SPON2: variants seen among roughly 807,000 people sequenced by gnomAD.
The protein encoded by SPON2 is spondin-2.
A neutral mutation model predicts 29.9 loss-of-function variants in SPON2; 32 were observed. The observed-to-expected ratio is 1.07, with a 90% CI of 0.81 to 1.44. The LOEUF (loss-of-function observed/expected upper bound fraction) is 1.44, where lower values mean the gene tolerates loss of function less well. SPON2 is among the 40% of genes most tolerant of loss of function. The pLI, the probability that SPON2 is intolerant of heterozygous loss-of-function variation, is 0.00. For synonymous variants in SPON2, 248 were observed against 209.1 expected (o/e 1.19, Z -1.61); for missense variants, 541 against 455.5 (o/e 1.19, Z -1.71).
chr4:1,208,059 G>C (rs1728390205), exon 1 of SPON2: 1 of 152,776 alleles, frequency 6.5e-6, no homozygotes, highest in Non-Finnish European at 1.5e-5. Context: ...TCAGGGCCCA[G>C]TGGCCAGATG....
Position 1,186,080 on chromosome 4 carries a change from TA to T in SPON2, c.-238-6540del, listed in dbSNP as rs1261266056. 2.2e-5 allele frequency among the ~76,000 whole-genome samples: 3 copies of T among 136,428 alleles called. No individual in the cohort carries two copies. The East Asian group carries it at 7.5e-4, about 34-fold the overall frequency. 89.5% of individuals were successfully genotyped at this position (136,428 alleles called of 152,430 possible). ...TAACACGGTGAAACCCCATCTCTAC[TA>T]AAAATACAAAAAATTAGCCGGGCGT... On this transcript the variant is annotated intron_variant, in intron 1 of 3. Coordinates refer to the SPON2 transcript ENST00000502483.
chr4:1,189,655 A>AAAAAAG (rs1560208668), intron 1 of SPON2, among the ~76,000 whole-genome samples: 1 of 145,568 alleles, frequency 6.9e-6, no homozygotes, highest in African/African-American at 2.6e-5. Context: ...AAAAAAAAAA[A>AAAAAAG]AAAGAAAGAA....
chr4:1,186,080 T>TA (rs1261266056), intron 1 of SPON2, among the ~76,000 whole-genome samples: 9 of 136,428 alleles, frequency 6.6e-5, no homozygotes, highest in East Asian at 2.5e-4. Flanking sequence ...CCATCTCTAC[T>TA]AAAAATACAA....
At chr4:1,197,866 T>C (rs1018594903), upstream of SPON2, among the ~76,000 whole-genome samples, 1 of 152,004 alleles carries the variant, frequency 6.6e-6, no homozygotes, top group Non-Finnish European at 1.5e-5. Flanking sequence ...CTGGCCAATA[T>C]AGTGAAACCG....
At chr4:1,208,819 C>CG (rs911239872), upstream of SPON2, 1 of 152,438 alleles carries the variant, frequency 6.6e-6, no homozygotes, top group African/African-American at 2.4e-5. Context: ...CCCGTGCCCT[C>CG]GATCACATCG....
At chr4:1,179,520 C>T (rs1250169865) in exon 2 of SPON2, 5 of 152,180 alleles carry the variant, frequency 3.3e-5, no homozygotes, top group Non-Finnish European at 5.9e-5. Flanking sequence ...GAATTCTCAT[C>T]TTCCTCCAAG....
upstream of SPON2, among the ~76,000 whole-genome samples, chr4:1,176,612 GTACATTCA>G (rs1214274229): frequency 7.0e-6 from 1 of 143,354 alleles, no homozygotes; most frequent in African/African-American, 2.5e-5. Flanking sequence ...CATTCACACA[GTACATTCA>G]TGCAGTCATC....
Position 1,172,078 on chromosome 4 carries a change from G to A in SPON2, c.-3-4C>T. The stretch of plus-strand genomic sequence containing the variant: ...CCGGGCTGGGGTTTTCCATCACCTG[G>A]GAGCACAGAGGGGAGCAGCCGCGCG... On this transcript the variant is annotated splice_region_variant and splice_polypyrimidine_tract_variant and intron_variant, in intron 1 of 5. Transcript: ENST00000290902. The A allele has an allele frequency of 6.2e-7, 1 of 1,609,256 alleles. No individual in the cohort carries two copies. The highest frequency in any genetic ancestry group is 8.5e-7 in the Non-Finnish European group (1 of 1,178,682).
intron 1 of SPON2, among the ~76,000 whole-genome samples, chr4:1,191,711 A>G (rs1727917628): frequency 6.6e-6 from 1 of 152,180 alleles, no homozygotes; most frequent in Non-Finnish European, 1.5e-5. Context: ...GCCTAGTGGG[A>G]GTGCAAGGAC....
intron 1 of SPON2, among the ~76,000 whole-genome samples, chr4:1,205,777 G>C (rs1728326170): frequency 6.6e-6 from 1 of 152,204 alleles, no homozygotes; most frequent in Admixed American, 6.5e-5. Context: ...CACCTGACCA[G>C]GCCCCACCAG....
chr4:1,171,581 C>T (rs1428445195), intron 2 of SPON2, 95 bp from the exon 3 acceptor site: 4 of 1,282,744 alleles, frequency 3.1e-6, no homozygotes, highest in Middle Eastern at 2.5e-4. Flanking sequence ...TCCCCGCCGC[C>T]CGCAGGGAAC....
rs772379430 is a variant in SPON2 at position 1,171,449 on chromosome 4, C to A, written c.258G>T (p.Lys86Asn). The change falls in exon 3 of 6, where the codon AAG becomes AAT. Residue 86 changes from lysine (K) to asparagine (N), a missense_variant. Lys to Asn is a moderately conservative substitution (Grantham distance 94, BLOSUM62 0). Coordinates refer to ENST00000290902, the MANE Select transcript of SPON2 (RefSeq NM_012445.4). ...AHSSDYSMWR[K>N]NQYVSNGLRD... is the part of the protein sequence containing the mutation. ...GCAGCCCGTTACTGACGTACTGGTT[C>A]TTCCTCCACATGCTGTAGTCGGAGC... 6.2e-7 allele frequency: 1 copy of A among 1,612,218 alleles called. No homozygotes were observed. Among genetic ancestry groups the A allele is most frequent in the Non-Finnish European group, 8.5e-7 (1 of 1,179,750 alleles).
At chr4:1,186,668 ACTC>A (rs1727813453) in intron 1 of SPON2, among the ~76,000 whole-genome samples, 1 of 152,166 alleles carries the variant, frequency 6.6e-6, no homozygotes, top group South Asian at 2.1e-4. Context: ...TATATAGAGA[ACTC>A]CTAAAACTCT....
chr4:1,183,177 G>A (rs1476597265), intron 1 of SPON2, among the ~76,000 whole-genome samples: 1 of 151,110 alleles, frequency 6.6e-6, no homozygotes, highest in Non-Finnish European at 1.5e-5. Flanking sequence ...GGGAGGTGGA[G>A]GTTGCAGTCA....
intron 5 of SPON2, 73 bp downstream of exon 5, chr4:1,170,329 T>C: frequency 2.1e-6 from 3 of 1,447,036 alleles, no homozygotes; most frequent in Non-Finnish European, 2.9e-6. Flanking sequence ...GAGCCTTAGG[T>C]TCGGGTTTGG....
upstream of SPON2, among the ~76,000 whole-genome samples, chr4:1,175,373 CG>C (rs1577900908): frequency 6.6e-6 from 1 of 152,242 alleles, no homozygotes; most frequent in South Asian, 2.1e-4. Context: ...AAGGAGGCTG[CG>C]GAACAGCCCA....
At chr4:1,200,562 C>T in intron 1 of SPON2, 1 of 340,872 alleles carries the variant, frequency 2.9e-6, no homozygotes, top group Non-Finnish European at 5.9e-6. Context: ...ACGTGTAAAC[C>T]ATGAGCTCAC....
upstream of SPON2, among the ~76,000 whole-genome samples, chr4:1,195,364 G>T (rs1288054174): frequency 6.6e-6 from 1 of 152,094 alleles, no homozygotes; most frequent in Non-Finnish European, 1.5e-5. Context: ...CCCCTGGCCC[G>T]TCGGTGGGCG....
At chr4:1,195,489 T>TCCCCACCCC, upstream of SPON2, among the ~76,000 whole-genome samples, 1 of 146,012 alleles carries the variant, frequency 6.8e-6, no homozygotes, top group East Asian at 2.4e-4. Context: ...CACCTGAACC[T>TCCCCACCCC]CCCCCCGCCT....
Sources: allele counts gnomAD v4.1 joint callset (sites outside exome capture counted in the v4.1 genomes callset), GRCh38; gene constraint gnomAD v4.1.1; transcripts MANE v1.5; gene names NCBI Gene and HGNC (gene_info 2026-07-23, HGNC 2026-07-21).